The following EIF2AK4 variants were observed in gnomAD, a reference collection of about 807,000 sequenced individuals.
EIF2AK4 encodes the protein eukaryotic translation initiation factor 2 alpha kinase 4, also known as eIF-2-alpha kinase GCN2.
In EIF2AK4, 139 loss-of-function variants were observed where a neutral mutation model predicts 211.1. The ratio of observed to expected loss-of-function variants is 0.66; its 90% CI spans 0.57 to 0.76. The LOEUF (loss-of-function observed/expected upper bound fraction) is 0.76. Ranked by LOEUF, EIF2AK4 falls within the 30% of genes least tolerant of loss-of-function variation. The pLI, the probability that EIF2AK4 is intolerant of heterozygous loss-of-function variation, is 0.00. For missense variants in EIF2AK4, 1,664 were observed against 2,043.8 expected (o/e 0.81, Z 3.58); for synonymous variants, 710 against 751.3 (o/e 0.94, Z 0.90).
In EIF2AK4 at chr15:39,973,628, C is replaced by T. The variant is rs1234155667; in HGVS notation, c.1697C>T (p.Pro566Leu). 1.9e-6 allele frequency: 3 copies of T among 1,613,988 alleles called. No individual in the cohort carries two copies. Among genetic ancestry groups the T allele is most frequent in the Non-Finnish European group, 2.5e-6 (3 of 1,179,926 alleles). The part of the protein sequence containing the change: ...EGQDYVETVI[P>L]SNRLPSAAFF... ...CAAGATTATGTTGAGACTGTTATTC[C>T]TAGCAACCGGCTACCCAGTGCTGCC... Residue 566 changes from proline (P) to leucine (L), a missense_variant, in exon 11 of 39, where the codon CCT (proline) becomes CTT (leucine). Pro to Leu is a moderately conservative substitution (Grantham distance 98). Coordinates refer to ENST00000263791, the MANE Select transcript of EIF2AK4 (RefSeq NM_001013703.4).
rs1046690290 is a variant in EIF2AK4 at position 39,985,854 on chromosome 15, T to C, written c.2369T>C (p.Val790Ala). The C allele has an allele frequency of 2.5e-6, 4 of 1,614,082 alleles. No homozygotes were observed. Among genetic ancestry groups the C allele is most frequent in the Admixed American group, 3.3e-5 (2 of 60,002 alleles). ...GGCTGCCATGAAAGTGAGCCATCAGTGACGACTGAGGCTGTGCACTACCTA... is the reference window on the plus strand; with the variant it reads ...GGCTGCCATGAAAGTGAGCCATCAGCGACGACTGAGGCTGTGCACTACCTA... ...KNGCHESEPS[V>A]TTEAVHYLYI... Residue 790 changes from valine to alanine, a missense_variant, in exon 14 of 39, where the codon GTG (valine) becomes GCG (alanine). This residue lies in a region of EIF2AK4 where 206 missense variants were observed against 201.9 expected (regional missense o/e 1.02). Transcript: ENST00000263791.
intron 7 of EIF2AK4, among the ~76,000 whole-genome samples, chr15:39,963,609 TA>T (rs1331572654): frequency 1.3e-5 from 2 of 152,228 alleles, no homozygotes; most frequent in Admixed American, 1.3e-4. Flanking sequence ...TTTTTCATTT[TA>T]AAGTTGTTAG....
chr15:39,944,095 C>T (rs895114188), intron 3 of EIF2AK4, among the ~76,000 whole-genome samples: 1 of 152,162 alleles, frequency 6.6e-6, no homozygotes, highest in Non-Finnish European at 1.5e-5. Context: ...CAATTTCGGA[C>T]CACCTCTCCC....
intron 12 of EIF2AK4, 57 bp downstream of exon 12, chr15:39,976,901 AT>A (rs149792847): frequency 2.6e-5 from 36 of 1,359,140 alleles, no homozygotes; most frequent in South Asian, 5.2e-5. Context: ...TCCTTTCTTT[AT>A]TTTTTTTTCC....
At chr15:39,946,443 C>A in intron 3 of EIF2AK4, 1 of 628,516 alleles carries the variant, frequency 1.6e-6, no homozygotes, top group Non-Finnish European at 2.9e-6. Context: ...GCTGCAACCT[C>A]ATGATAAAAC....
At chr15:39,954,314 A>G (rs2034360254) in intron 5 of EIF2AK4, among the ~76,000 whole-genome samples, 1 of 152,188 alleles carries the variant, frequency 6.6e-6, no homozygotes, top group African/African-American at 2.4e-5. Flanking sequence ...GTGCAGTGGT[A>G]TGATCTCAGC....
intron 1 of EIF2AK4, among the ~76,000 whole-genome samples, chr15:39,935,324 C>G (rs368516770): frequency 6.6e-6 from 1 of 151,336 alleles, no homozygotes; most frequent in African/African-American, 2.4e-5. Context: ...AAACATAGTT[C>G]TAACTTCATC....
intron 3 of EIF2AK4, chr15:39,946,587 A>G (rs1402950518): frequency 1.4e-6 from 1 of 701,820 alleles, no homozygotes; most frequent in Non-Finnish European, 2.6e-6. Context: ...GTTTTGAAGC[A>G]GCAGCAGGGT....
intron 16 of EIF2AK4, 187 bp from the exon 17 acceptor site, chr15:39,991,988 T>C (rs539922279): frequency 4.0e-6 from 2 of 499,366 alleles, no homozygotes; most frequent in Admixed American, 3.5e-5. Context: ...CTTGATTTCA[T>C]TGGGTTTTCT....
intron 9 of EIF2AK4, among the ~76,000 whole-genome samples, chr15:39,971,716 C>CA (rs200816710): frequency 0.11 from 16,144 of 141,778 alleles, 942 homozygotes; most frequent in Middle Eastern, 0.25. Context: ...AACCTTATCT[C>CA]AAAAAAAAAA....
At chr15:39,944,156 CACTCT>C (rs1005122737) in intron 3 of EIF2AK4, among the ~76,000 whole-genome samples, 5 of 152,142 alleles carry the variant, frequency 3.3e-5, no homozygotes, top group Non-Finnish European at 5.9e-5. Flanking sequence ...ATTAGTGACA[CACTCT>C]ACTCCTTCAG....
chr15:39,934,176 G>A lies in EIF2AK4; in HGVS notation c.-20G>A, dbSNP rs187704346. 8.9e-5 allele frequency: 133 copies of A among 1,491,506 alleles called. 1 individual carries two copies. The East Asian group carries it at 3.4e-3, about 38-fold the overall frequency. 92.4% of individuals were successfully genotyped at this position (1,491,506 alleles called of 1,614,324 possible). A position where few individuals can be genotyped will look rare whatever the true frequency, so the allele number is the denominator to read the frequency against. ...ACCGCCGCCCAGGCAAGGCCGCCCT[G>A]CCTTGGGCGCAGCGCTGCCATGGCT... On this transcript the variant is annotated 5_prime_UTR_variant, in exon 1 of 39. Transcript: ENST00000263791.
rs1250149293 is a variant in EIF2AK4, at chr15:39,965,839, A to C, written c.1013A>C (p.Lys338Thr). The C allele has an allele frequency of 6.2e-7, 1 of 1,613,902 alleles. No homozygotes were observed. Among genetic ancestry groups the C allele is most frequent in the East Asian group, 2.2e-5 (1 of 44,886 alleles). The part of the protein sequence containing the change: ...QEKEKIDKCK[K>T]QIQGTETEFN... Reference sequence around the variant, plus strand: ...AAAGAGAAGATTGATAAGTGCAAAAAGCAGGTAAGCATCCAAGGTGGCTGA... The same window carrying C: ...AAAGAGAAGATTGATAAGTGCAAAACGCAGGTAAGCATCCAAGGTGGCTGA... The change falls in exon 8 of 39, where the codon AAG becomes ACG. Residue 338 changes from lysine (K) to threonine (T), a missense_variant. By Grantham distance (78) the Lys-to-Thr change is moderately conservative. Around this residue, in one of 7 missense-constraint regions of EIF2AK4, gnomAD observed 641 missense variants for 729.6 expected, o/e 0.88. Transcript: ENST00000263791.
chr15:39,983,678 G>A (rs1277750673), intron 13 of EIF2AK4, among the ~76,000 whole-genome samples: 1 of 152,206 alleles, frequency 6.6e-6, no homozygotes, highest in African/African-American at 2.4e-5. Context: ...CCGACCTCAG[G>A]TGAACCGACT....
At chr15:40,000,427 A>G (rs925075013) in intron 20 of EIF2AK4, among the ~76,000 whole-genome samples, 1 of 152,194 alleles carries the variant, frequency 6.6e-6, no homozygotes, top group African/African-American at 2.4e-5. Flanking sequence ...GAACCTCTCA[A>G]AGGTTTAGAT....
At chr15:39,957,398 C>T (rs2034405916) in intron 6 of EIF2AK4, among the ~76,000 whole-genome samples, 1 of 152,042 alleles carries the variant, frequency 6.6e-6, no homozygotes, top group Non-Finnish European at 1.5e-5. Context: ...AACTCCTTCC[C>T]ATCTCAGAGC....
intron 7 of EIF2AK4, among the ~76,000 whole-genome samples, chr15:39,964,457 C>T (rs2034515188): frequency 6.6e-6 from 1 of 151,040 alleles, no homozygotes; most frequent in Admixed American, 6.6e-5. Flanking sequence ...TGATGGCTAA[C>T]ATTGGGGTCG....
chr15:40,004,606 G>T (rs1208030318), intron 23 of EIF2AK4, among the ~76,000 whole-genome samples: 1 of 152,170 alleles, frequency 6.6e-6, no homozygotes, highest in East Asian at 1.9e-4. Flanking sequence ...CTACTTGGGA[G>T]GTTAAGGCAG....
intron 26 of EIF2AK4, among the ~76,000 whole-genome samples, 186 bp downstream of exon 26, chr15:40,009,916 T>C (rs2035213468): frequency 6.6e-6 from 1 of 152,216 alleles, no homozygotes; most frequent in Non-Finnish European, 1.5e-5. Flanking sequence ...TTAACAAGTA[T>C]TGGTTGAGCT....
Sources: allele counts gnomAD v4.1 joint callset (sites outside exome capture counted in the v4.1 genomes callset), GRCh38; gene constraint gnomAD v4.1.1; regional missense constraint gnomAD v4.1.1; transcripts MANE v1.5; gene names NCBI Gene and HGNC (gene_info 2026-07-23, HGNC 2026-07-21).